The following CDK5RAP2 variants were observed in gnomAD, a reference collection of about 807,000 sequenced individuals.
CDK5RAP2 encodes CDK5 regulatory subunit associated protein 2.
CDK5RAP2 carries 147 observed loss-of-function variants against 232.9 expected under a neutral mutation model. The observed-to-expected ratio is 0.63, with a 90% confidence interval of 0.55 to 0.72. The LOEUF is 0.72. Among genes scored for constraint, CDK5RAP2 ranks in the 30% least tolerant of loss-of-function variants. The pLI is 0.00. For missense variants in CDK5RAP2, 2,195 were observed against 2,231.5 expected (o/e 0.98, Z 0.33); for synonymous variants, 833 against 833.7 (o/e 1.00, Z 0.01).
chr9:120,562,474 A>AC (rs2042497114), intron 3 of CDK5RAP2, among the ~76,000 whole-genome samples: 1 of 152,066 alleles, frequency 6.6e-6, no homozygotes, highest in Non-Finnish European at 1.5e-5. Context: ...AACCCCTAGC[A>AC]CCGTCAGGCT....
chr9:120,535,715 T>C (rs570165327), intron 7 of CDK5RAP2, among the ~76,000 whole-genome samples: 1 of 152,308 alleles, frequency 6.6e-6, no homozygotes, highest in Admixed American at 6.5e-5. Context: ...CGTTGCAAAA[T>C]ATGATGGGCA....
In CDK5RAP2 at chr9:120,415,051, T is replaced by C; in HGVS notation, c.4286A>G (p.Glu1429Gly). Residue 1429 changes from glutamate (E) to glycine (G), a missense_variant, in exon 28 of 38, where the codon GAA (glutamate) becomes GGA (glycine). Physicochemically the swap from Glu to Gly is moderately conservative, Grantham distance 98. Transcript: ENST00000349780. ...AGGTCTTTCCTTACCTTGAACAAATTCAGATCCTTGCCGTTCCAACTGTTT... is the reference window on the plus strand; with the variant it reads ...AGGTCTTTCCTTACCTTGAACAAATCCAGATCCTTGCCGTTCCAACTGTTT... The part of the protein sequence containing the change: ...LRKQLERQGS[E>G]FVQGSTSIFA... The C allele has an allele frequency of 1.2e-6, 2 of 1,614,190 alleles. No homozygotes were observed. Among genetic ancestry groups the C allele is most frequent in the Non-Finnish European group, 1.7e-6 (2 of 1,180,012 alleles).
At chr9:120,420,638 G>C (rs1272575487) in intron 26 of CDK5RAP2, among the ~76,000 whole-genome samples, 1 of 151,898 alleles carries the variant, frequency 6.6e-6, no homozygotes, top group African/African-American at 2.4e-5. Flanking sequence ...CTCCATTAGA[G>C]ATAAACTCCT....
intron 20 of CDK5RAP2, among the ~76,000 whole-genome samples, chr9:120,455,787 A>G (rs1207960001): frequency 6.6e-6 from 1 of 152,084 alleles, no homozygotes; most frequent in African/African-American, 2.4e-5. Flanking sequence ...CTGCATAGAG[A>G]ATGGACGGAG....
chr9:120,518,992 C>A (rs773733586), intron 11 of CDK5RAP2, among the ~76,000 whole-genome samples: 1 of 151,700 alleles, frequency 6.6e-6, no homozygotes, highest in East Asian at 1.9e-4. Flanking sequence ...CTGGCCAACA[C>A]GGTGAAACCC....
intron 18 of CDK5RAP2, among the ~76,000 whole-genome samples, chr9:120,461,996 C>T (rs1279591498): frequency 1.3e-5 from 2 of 152,220 alleles, no homozygotes; most frequent in African/African-American, 4.8e-5. Context: ...ATCCCCATAG[C>T]TCTCCAGCCC....
Position 120,449,303 on chromosome 9 carries a change from CT to C in CDK5RAP2, c.2794-1178del, listed in dbSNP as rs202014007. ...ATGGGCCTTCCTCAGGAAAATGGGACTTGATTTCCAAGACCAAGGCAGGGCT... is the reference window on the plus strand; with the variant it reads ...ATGGGCCTTCCTCAGGAAAATGGGACTGATTTCCAAGACCAAGGCAGGGCT... On this transcript the variant is annotated intron_variant, in intron 21 of 37. Transcript: ENST00000349780. Among the ~76,000 whole-genome samples, 1,053 of 152,340 alleles carry C rather than the reference CT, an allele frequency of 6.9e-3. 10 individuals carry two copies. The highest frequency in any genetic ancestry group is 0.023 in the African/African-American group (965 of 41,572).
Position 120,407,134 on chromosome 9 carries a change from G to C in CDK5RAP2, c.4841C>G (p.Thr1614Ser). 2 of 1,614,086 alleles carry C rather than the reference G, an allele frequency of 1.2e-6. No individual in the cohort carries two copies. The highest frequency in any genetic ancestry group is 1.7e-6 in the Non-Finnish European group (2 of 1,180,026). Residue 1614 changes from threonine (T) to serine (S), a missense_variant, in exon 32 of 38, where the codon ACT (threonine) becomes AGT (serine). By Grantham distance (58) the Thr-to-Ser change is moderately conservative (BLOSUM62 1). Transcript: ENST00000349780. ...QLERSIETSS[T>S]LQSRLKEQLA... ...CTGTTCCTTGAGCCTGCTCTGCAGAGTGCTGCTGGTTTCGATGCTCCTTTC... is the reference window on the plus strand; with the variant it reads ...CTGTTCCTTGAGCCTGCTCTGCAGACTGCTGCTGGTTTCGATGCTCCTTTC...
At position 120,411,434 on chromosome 9, in the gene CDK5RAP2, A is replaced by T. The variant is rs143341041; in HGVS notation, c.4338T>A (p.Ser1446Arg). ...AGAAATGAATTTCTGATGTTAGAGAACTATGAAGCTCTGAACCAGAAGCAA... is the reference window on the plus strand; with the variant it reads ...AGAAATGAATTTCTGATGTTAGAGATCTATGAAGCTCTGAACCAGAAGCAA... ...SIFASGSELH[S>R]SLTSEIHFLR... Residue 1446 changes from serine (S) to arginine (R), a missense_variant, in exon 29 of 38, where the codon AGT (serine) becomes AGA (arginine). Physicochemically the swap from Ser to Arg is moderately radical, Grantham distance 110 (BLOSUM62 -1). Coordinates refer to ENST00000349780, the MANE Select transcript of CDK5RAP2 (RefSeq NM_018249.6). 1.4e-4 allele frequency: 222 copies of T among 1,613,172 alleles called. No individual in the cohort carries two copies. In the Admixed American group the frequency reaches 3.7e-3, roughly 27 times the overall value.
intron 5 of CDK5RAP2, among the ~76,000 whole-genome samples, chr9:120,543,901 T>C: frequency 6.6e-6 from 1 of 152,150 alleles, no homozygotes; most frequent in East Asian, 1.9e-4. Context: ...TAAATTCTCA[T>C]AGCTCACTTT....
chr9:120,430,826 G>A (rs902492073), intron 25 of CDK5RAP2, among the ~76,000 whole-genome samples: 13 of 151,912 alleles, frequency 8.6e-5, no homozygotes, highest in African/African-American at 2.2e-4. Flanking sequence ...TGTTTACTGC[G>A]GCACTATTCA....
chr9:120,511,735 C>CTTTTTT (rs747030569), intron 12 of CDK5RAP2, among the ~76,000 whole-genome samples: 9 of 110,690 alleles, frequency 8.1e-5, no homozygotes, highest in Non-Finnish European at 1.1e-4. Flanking sequence ...TCACAACATG[C>CTTTTTT]TTTTTTTTTT....
intron 20 of CDK5RAP2, among the ~76,000 whole-genome samples, chr9:120,455,828 C>G (rs1002085792): frequency 6.6e-6 from 1 of 151,956 alleles, no homozygotes; most frequent in Admixed American, 6.6e-5. Context: ...TCCCCTCATG[C>G]TGGTCTAATC....
intron 12 of CDK5RAP2, among the ~76,000 whole-genome samples, chr9:120,504,314 T>C (rs2039710850): frequency 6.6e-6 from 1 of 152,094 alleles, no homozygotes. Context: ...CCTGGCTACA[T>C]CTGGAGCAGG....
chr9:120,550,105 T>A (rs568960678), intron 4 of CDK5RAP2, among the ~76,000 whole-genome samples: 55 of 152,354 alleles, frequency 3.6e-4, no homozygotes, highest in African/African-American at 1.2e-3. Flanking sequence ...TGTACTCCTG[T>A]CTTTTCAAGA....
chr9:120,551,258 C>T (rs2042031746), intron 3 of CDK5RAP2, among the ~76,000 whole-genome samples: 1 of 152,124 alleles, frequency 6.6e-6, no homozygotes, highest in African/African-American at 2.4e-5. Context: ...CAGAAAATCA[C>T]TATTTTAAAA....
chr9:120,441,564 T>C (rs1313265755), intron 23 of CDK5RAP2, among the ~76,000 whole-genome samples: 2 of 152,222 alleles, frequency 1.3e-5, no homozygotes, highest in African/African-American at 2.4e-5. Flanking sequence ...GGAAAAATGC[T>C]ACAAAAGCAA....
intron 1 of CDK5RAP2, among the ~76,000 whole-genome samples, chr9:120,579,692 C>G (rs2043168142): frequency 6.6e-6 from 1 of 152,236 alleles, no homozygotes; most frequent in Non-Finnish European, 1.5e-5. Context: ...ACACGCTCTA[C>G]AAAGTACATG....
chr9:120,499,290 A>G (rs1198927815), intron 12 of CDK5RAP2, among the ~76,000 whole-genome samples: 2 of 152,196 alleles, frequency 1.3e-5, no homozygotes, highest in Non-Finnish European at 2.9e-5. Context: ...ATTAGCTCTC[A>G]GTTTGTGATG....
Sources: allele counts gnomAD v4.1 joint callset (sites outside exome capture counted in the v4.1 genomes callset), GRCh38; gene constraint gnomAD v4.1.1; transcripts MANE v1.5; gene names NCBI Gene and HGNC (gene_info 2026-07-23, HGNC 2026-07-21).